The following CLCN4 variants were observed in gnomAD, a reference collection of about 807,000 sequenced individuals.
CLCN4 encodes Cl-/H+ antiporter 4.
Under a neutral mutation model 41.7 loss-of-function variants are expected in CLCN4, and 1 was observed. That is an observed-to-expected ratio of 0.02 (90% CI 0.01 to 0.11). The LOEUF (loss-of-function observed/expected upper bound fraction) is 0.11. Among genes scored for constraint, CLCN4 ranks in the 10% least tolerant of loss-of-function variants. CLCN4 has a pLI of 1.00. For missense variants in CLCN4, 287 were observed against 661.0 expected, an observed-to-expected ratio of 0.43 and a Z score of 6.20; for synonymous variants, 277 against 285.8, an observed-to-expected ratio of 0.97 and a Z score of 0.31.
chrX:10,182,580 C>A (rs1464156420), intron 2 of CLCN4, among the ~76,000 whole-genome samples: 1 of 112,815 alleles, frequency 8.9e-6, no homozygotes, highest in Non-Finnish European at 1.9e-5. Flanking sequence ...TGCCTGCCAC[C>A]ACACCTGGCT....
intron 5 of CLCN4, among the ~76,000 whole-genome samples, chrX:10,197,519 G>T (rs147325996): frequency 0.015 from 1,688 of 111,002 alleles, 31 homozygotes; most frequent in African/African-American, 0.053. Flanking sequence ...TGCTTGCTGT[G>T]CTTGGGCGTG....
intron 6 of CLCN4, among the ~76,000 whole-genome samples, chrX:10,202,803 AACTT>A (rs914976143): frequency 6.3e-5 from 7 of 111,050 alleles, no homozygotes; most frequent in African/African-American, 2.3e-4. Flanking sequence ...ACCCTCTCAG[AACTT>A]ACTCTGTGTT....
intron 12 of CLCN4, among the ~76,000 whole-genome samples, chrX:10,221,566 C>G: frequency 8.9e-6 from 1 of 112,021 alleles, no homozygotes; most frequent in East Asian, 2.8e-4. Context: ...AGGAGCATCA[C>G]TTGAGCCCAG....
chrX:10,175,944 C>CT (rs1923516906), intron 2 of CLCN4, among the ~76,000 whole-genome samples: 6 of 67,257 alleles, frequency 8.9e-5, no homozygotes, highest in Admixed American at 2.3e-4. Context: ...CCCTCCCTCT[C>CT]CCTCTCTCTC....
chrX:10,217,607 G>A (rs940302259), intron 11 of CLCN4, among the ~76,000 whole-genome samples: 2 of 111,942 alleles, frequency 1.8e-5, no homozygotes, highest in African/African-American at 6.5e-5. Flanking sequence ...AAATTTCTTG[G>A]CCTATCACAT....
intron 12 of CLCN4, among the ~76,000 whole-genome samples, chrX:10,227,758 A>G (rs1487221023): frequency 9.0e-6 from 1 of 111,653 alleles, no homozygotes; most frequent in Non-Finnish European, 1.9e-5. Flanking sequence ...GTCATGCACT[A>G]TGTGGCCTTT....
chrX:10,205,886 T>G (rs745582665), intron 6 of CLCN4, among the ~76,000 whole-genome samples: 3 of 110,785 alleles, frequency 2.7e-5, no homozygotes, highest in Admixed American at 1.9e-4. Flanking sequence ...CCCAAAGTGC[T>G]GGGATTACAG....
chrX:10,188,244 G>T lies in CLCN4; in HGVS notation c.244+630G>T, dbSNP rs189466983. 8.6e-3 allele frequency among the ~76,000 whole-genome samples: 966 copies of T among 112,461 alleles called. 13 individuals carry two copies. The highest frequency in any genetic ancestry group is 0.029 in the African/African-American group (894 of 30,939). ...ACACATTTTATATTCGGTTATTCTTGATTATGTAGATGACAACAAAATCAG... is the reference window on the plus strand; with the variant it reads ...ACACATTTTATATTCGGTTATTCTTTATTATGTAGATGACAACAAAATCAG... On this transcript the variant is annotated intron_variant, in intron 4 of 12. Coordinates refer to ENST00000380833, the MANE Select transcript of CLCN4 (RefSeq NM_001830.4).
At chrX:10,166,009 A>T (rs1027602345) in intron 2 of CLCN4, among the ~76,000 whole-genome samples, 2 of 111,691 alleles carry the variant, frequency 1.8e-5, no homozygotes, top group Admixed American at 1.9e-4. Flanking sequence ...CTTTTTATCC[A>T]TGAGGGGGTG....
At chrX:10,173,978 A>G (rs968331274) in intron 2 of CLCN4, among the ~76,000 whole-genome samples, 12 of 111,714 alleles carry the variant, frequency 1.1e-4, no homozygotes, top group African/African-American at 3.6e-4. Flanking sequence ...TGCATTTAGG[A>G]CGCTGGGCAG....
At chrX:10,212,011 T>C (rs1166340475) in intron 9 of CLCN4, among the ~76,000 whole-genome samples, 1 of 112,013 alleles carries the variant, frequency 8.9e-6, no homozygotes, top group African/African-American at 3.2e-5. Flanking sequence ...GCTGCAATGA[T>C]GGACTTAGCT....
In CLCN4 at chrX:10,195,023, C is replaced by T. The variant is rs764415386; in HGVS notation, c.357C>T (p.Asn119=). 5.0e-6 allele frequency: 6 copies of T among 1,209,666 alleles called. No homozygotes were observed. In the Admixed American group the frequency reaches 6.6e-5, roughly 13 times the overall value. Reference sequence around the variant, plus strand: ...ATGAGCAGTGTTGCTGGACTTCTAACGAGACCACTTTTGAGGACAGAGACA... The same window carrying T: ...ATGAGCAGTGTTGCTGGACTTCTAATGAGACCACTTTTGAGGACAGAGACA... ...YSHEQCCWTS[N]ETTFEDRDKC... The change falls in exon 5 of 13, where the codon AAC becomes AAT. Residue 119 remains asparagine, a synonymous_variant. Transcript: ENST00000380833.
chrX:10,204,887 T>C (rs910550281), intron 6 of CLCN4, among the ~76,000 whole-genome samples: 2 of 110,536 alleles, frequency 1.8e-5, no homozygotes, highest in Non-Finnish European at 3.8e-5. Context: ...TTTAATGAAT[T>C]TTACATGACA....
At position 10,171,206 on chromosome X, in the gene CLCN4, G is replaced by T. The variant is rs775885900; in HGVS notation, c.-12+12655G>T. ...TCCGGCTCTGAATTCTTAAATGAAG[G>T]GAAAGTTTTACTTTGCCCAACTAGT... On this transcript the variant is annotated intron_variant, in intron 2 of 12. Transcript: ENST00000380833. Among the ~76,000 whole-genome samples the T allele has an allele frequency of 2.7e-5, 3 of 112,133 alleles. No individual in the cohort carries two copies. The Admixed American group carries it at 2.8e-4, about 11-fold the overall frequency.
intron 1 of CLCN4, among the ~76,000 whole-genome samples, 189 bp downstream of exon 1, chrX:10,157,289 G>C (rs1261149328): frequency 8.9e-6 from 1 of 112,035 alleles, no homozygotes; most frequent in African/African-American, 3.2e-5. Flanking sequence ...AGGGAATCAC[G>C]GTATAAGGGC....
chrX:10,213,937 G>A lies in CLCN4; in HGVS notation c.1833G>A (p.Val611=). 1 of 1,212,163 alleles carries A rather than the reference G, an allele frequency of 8.2e-7. No individual in the cohort carries two copies. The highest frequency in any genetic ancestry group is 1.1e-6 in the Non-Finnish European group (1 of 895,562). The change falls in exon 11 of 13, where the codon GTG becomes GTA. Residue 611 remains valine, a synonymous_variant. Transcript: ENST00000380833. ...GGCGGGGAGAGCCGCCACTGTCGGTGCTCACCCAGGACAGCATGACTGTCG... is the reference window on the plus strand; with the variant it reads ...GGCGGGGAGAGCCGCCACTGTCGGTACTCACCCAGGACAGCATGACTGTCG... ...RPRRGEPPLS[V]LTQDSMTVED... is the part of the protein sequence containing the mutation.
intron 2 of CLCN4, among the ~76,000 whole-genome samples, chrX:10,172,574 C>T (rs1199706850): frequency 9.0e-6 from 1 of 111,244 alleles, no homozygotes; most frequent in Non-Finnish European, 1.9e-5. Flanking sequence ...CAAGGCTTCG[C>T]TCTAACCTCC....
rs1025957918 is a variant in CLCN4 at position 10,214,030 on chromosome X, C to T, written c.1926C>T (p.Ser642=). ...NGFPVVVSRD[S]ERLIGFAQRR... ...TCCCCGTGGTGGTCTCCAGAGACTC[C>T]GAGCGCCTCATTGGATTTGCCCAGA... Residue 642 remains serine, a synonymous_variant, in exon 11 of 13, where the codon TCC becomes TCT. Transcript: ENST00000380833. 14 of 1,196,805 alleles carry T rather than the reference C, an allele frequency of 1.2e-5. No individual in the cohort carries two copies. The highest frequency in any genetic ancestry group is 7.0e-5 in the African/African-American group (4 of 57,109).
At position 10,213,859 on chromosome X, in the gene CLCN4, C is replaced by T. The variant is rs769615611; in HGVS notation, c.1755C>T (p.Asp585=). ...ACTTAAATGGGTACCCTTTCCTTGACGTGAAGGACGAGTTTACTCACCGCA... is the reference window on the plus strand; with the variant it reads ...ACTTAAATGGGTACCCTTTCCTTGATGTGAAGGACGAGTTTACTCACCGCA... ...HIHLNGYPFL[D]VKDEFTHRTL... The change falls in exon 11 of 13, where the codon GAC becomes GAT. Residue 585 remains aspartate, a synonymous_variant. Transcript: ENST00000380833. 1.7e-5 allele frequency: 21 copies of T among 1,210,430 alleles called. No homozygotes were observed. The highest frequency in any genetic ancestry group is 5.9e-5 in the East Asian group (2 of 33,761).
Sources: gnomAD v4.1 joint callset for allele counts (sites outside exome capture counted in the v4.1 genomes callset) on GRCh38, gnomAD v4.1.1 for gene constraint, MANE v1.5 for transcripts, NCBI Gene and HGNC (gene_info 2026-07-23, HGNC 2026-07-21) for gene names.